CREB5: variants seen among roughly 807,000 people sequenced by gnomAD.
The protein encoded by CREB5 is cyclic AMP-responsive element-binding protein 5.
A neutral mutation model predicts 57.1 loss-of-function variants in CREB5; 19 were observed. That is an observed-to-expected ratio of 0.33 (90% CI 0.23 to 0.49). CREB5 has a LOEUF of 0.49. CREB5 is among the 20% of genes least tolerant of loss of function. CREB5 has a pLI of 0.99. For synonymous variants in CREB5, 238 were observed against 238.3 expected, an observed-to-expected ratio of 1.00 and a Z score of 0.01; for missense variants, 579 against 671.6, an observed-to-expected ratio of 0.86 and a Z score of 1.52.
intron 1 of CREB5, among the ~76,000 whole-genome samples, chr7:28,321,415 T>C (rs1394923001): frequency 6.6e-6 from 1 of 152,166 alleles, no homozygotes; most frequent in Non-Finnish European, 1.5e-5. Flanking sequence ...AAAAAACATT[T>C]CTTTTTCTTC....
At chr7:28,686,333 G>T in intron 5 of CREB5, 1 of 665,586 alleles carries the variant, frequency 1.5e-6, no homozygotes. Context: ...GCCCGTCTTT[G>T]TTTCTCCTCT....
intron 5 of CREB5, among the ~76,000 whole-genome samples, chr7:28,658,483 T>C (rs969657775): frequency 1.3e-5 from 2 of 152,214 alleles, no homozygotes; most frequent in Non-Finnish European, 2.9e-5. Flanking sequence ...CAAGAGTTTC[T>C]GTTCTGCACA....
intron 5 of CREB5, among the ~76,000 whole-genome samples, chr7:28,687,232 CG>C (rs1350599069): frequency 1.3e-5 from 2 of 151,864 alleles, no homozygotes; most frequent in African/African-American, 4.8e-5. Context: ...CTAATTAATC[CG>C]GTGCTATCTT....
At position 28,820,628 on chromosome 7, in the gene CREB5, CAG is replaced by C. The variant is rs2128810627; in HGVS notation, c.*1352_*1353del. The C allele has an allele frequency of 6.6e-6, 1 of 152,246 alleles. No individual in the cohort carries two copies. Among genetic ancestry groups the C allele is most frequent in the Admixed American group, 6.6e-5 (1 of 15,256 alleles). 9.4% of individuals were successfully genotyped at this position (152,246 alleles called of 1,614,324 possible). A position where few individuals can be genotyped will look rare whatever the true frequency, so the allele number is the denominator to read the frequency against. ...CACTCTTTTTTTTTCTTTTTTGAGACAGAGTCTCACCTATTGCCCAGACTGAA... is the reference window on the plus strand; with the variant it reads ...CACTCTTTTTTTTTCTTTTTTGAGACAGTCTCACCTATTGCCCAGACTGAA... On this transcript the variant is annotated 3_prime_UTR_variant, in exon 11 of 11. Coordinates refer to ENST00000357727, the MANE Select transcript of CREB5 (RefSeq NM_182898.4).
intron 5 of CREB5, among the ~76,000 whole-genome samples, chr7:28,574,680 A>G (rs1157001550): frequency 1.3e-5 from 2 of 152,170 alleles, no homozygotes; most frequent in African/African-American, 4.8e-5. Context: ...TTTTTTTCTT[A>G]CCTTTTACTT....
intron 1 of CREB5, among the ~76,000 whole-genome samples, chr7:28,475,102 C>T (rs952072513): frequency 1.3e-5 from 2 of 152,078 alleles, no homozygotes; most frequent in Admixed American, 1.3e-4. Flanking sequence ...ATCTTTAACT[C>T]CCCGGTGCCC....
At chr7:28,666,195 C>T (rs962450025) in intron 5 of CREB5, among the ~76,000 whole-genome samples, 3 of 152,124 alleles carry the variant, frequency 2.0e-5, no homozygotes, top group Admixed American at 6.5e-5. Flanking sequence ...AGCTCTGTCC[C>T]TCTGTGTGCT....
chr7:28,438,924 A>C (rs190010851), intron 1 of CREB5, among the ~76,000 whole-genome samples: 47 of 152,342 alleles, frequency 3.1e-4, no homozygotes, highest in African/African-American at 1.1e-3. Flanking sequence ...AGGAGCAAAC[A>C]GAGATACTTC....
intron 1 of CREB5, among the ~76,000 whole-genome samples, chr7:28,440,435 C>T (rs1789139244): frequency 6.6e-6 from 1 of 152,132 alleles, no homozygotes. Context: ...ATATCACATG[C>T]TTATTGCCAG....
chr7:28,636,849 A>G (rs969311796), intron 5 of CREB5, among the ~76,000 whole-genome samples: 3 of 152,092 alleles, frequency 2.0e-5, no homozygotes, highest in African/African-American at 7.2e-5. Context: ...CTGCAGCTAG[A>G]GCTGTTTTTC....
At chr7:28,677,845 A>G (rs1202237300) in intron 5 of CREB5, among the ~76,000 whole-genome samples, 1 of 152,072 alleles carries the variant, frequency 6.6e-6, no homozygotes, top group East Asian at 1.9e-4. Context: ...GCCTGTGAAC[A>G]GCCACTTCAC....
intron 4 of CREB5, among the ~76,000 whole-genome samples, chr7:28,554,028 C>A (rs1370128807): frequency 6.6e-6 from 1 of 152,170 alleles, no homozygotes; most frequent in Admixed American, 6.5e-5. Flanking sequence ...TTTGAGTGGA[C>A]CCCTGGGCTT....
chr7:28,744,523 T>C (rs549661975), intron 7 of CREB5, among the ~76,000 whole-genome samples: 1 of 152,034 alleles, frequency 6.6e-6, no homozygotes, highest in African/African-American at 2.4e-5. Flanking sequence ...AATTTTTGTA[T>C]TTTTAGTAGA....
chr7:28,763,810 AT>A (rs111457525), intron 7 of CREB5, among the ~76,000 whole-genome samples: 2 of 149,012 alleles, frequency 1.3e-5, no homozygotes, highest in African/African-American at 4.9e-5. Context: ...TATTATTATT[AT>A]TTTTTTTTGA....
chr7:28,539,321 C>T (rs1209560433), intron 4 of CREB5, among the ~76,000 whole-genome samples: 1 of 152,192 alleles, frequency 6.6e-6, no homozygotes, highest in Non-Finnish European at 1.5e-5. Flanking sequence ...ACATCCACTG[C>T]CTGTCACCAG....
chr7:28,791,334 T>G (rs2128791499), intron 7 of CREB5, among the ~76,000 whole-genome samples: 1 of 152,344 alleles, frequency 6.6e-6, no homozygotes, highest in Middle Eastern at 3.4e-3. Flanking sequence ...TTCTTGCTAC[T>G]CTCGCGCATC....
At chr7:28,326,882 C>G (rs1785617675) in intron 1 of CREB5, among the ~76,000 whole-genome samples, 2 of 152,058 alleles carry the variant, frequency 1.3e-5, no homozygotes, top group Admixed American at 6.5e-5. Flanking sequence ...GTGGCTCATG[C>G]CTGTAATCCC....
At chr7:28,402,758 G>A (rs959274645) in intron 1 of CREB5, among the ~76,000 whole-genome samples, 1 of 152,142 alleles carries the variant, frequency 6.6e-6, no homozygotes, top group Non-Finnish European at 1.5e-5. Context: ...CAGGACATAG[G>A]CATGGGCAAG....
rs1184133158 is a variant in CREB5 at position 28,730,477 on chromosome 7, G to A, written c.702+6145G>A. Among the ~76,000 whole-genome samples, 5 of 151,922 alleles carry A rather than the reference G, an allele frequency of 3.3e-5. No homozygotes were observed. In the East Asian group the frequency reaches 5.8e-4, roughly 18 times the overall value. On this transcript the variant is annotated intron_variant, in intron 7 of 10. Coordinates refer to ENST00000357727, the MANE Select transcript of CREB5 (RefSeq NM_182898.4). ...TAGGATTACAGGCATGAGCCACCAC[G>A]CTTGGCCCAGATAGTGTCCTTAATC...
Sources: gnomAD v4.1 joint callset for allele counts (sites outside exome capture counted in the v4.1 genomes callset) on GRCh38, gnomAD v4.1.1 for gene constraint, MANE v1.5 for transcripts, NCBI Gene and HGNC (gene_info 2026-07-23, HGNC 2026-07-21) for gene names.